PAPPA2: variants seen among roughly 807,000 people sequenced by gnomAD.
PAPPA2 encodes the protein pappalysin 2, also known as pappalysin-2.
A neutral mutation model predicts 176.4 loss-of-function variants in PAPPA2; 86 were observed. That is an observed-to-expected ratio of 0.49 (90% CI 0.41 to 0.58). The LOEUF (loss-of-function observed/expected upper bound fraction) is 0.58, where lower values mean the gene tolerates loss of function less well. Among genes scored for constraint, PAPPA2 ranks in the 20% least tolerant of loss-of-function variants. The pLI, the probability that PAPPA2 is intolerant of heterozygous loss-of-function variation, is 0.00. For missense variants in PAPPA2, 2,073 were observed against 2,256.9 expected (o/e 0.92, Z 1.65); for synonymous variants, 809 against 852.2 (o/e 0.95, Z 0.88).
chr1:176,830,987 C>T (rs958264221), intron 21 of PAPPA2, among the ~76,000 whole-genome samples: 1 of 152,194 alleles, frequency 6.6e-6, no homozygotes. Context: ...GGAATAAAAT[C>T]TTGACAAATG....
chr1:176,525,327 C>A (rs961776143), intron 1 of PAPPA2, among the ~76,000 whole-genome samples: 1 of 152,120 alleles, frequency 6.6e-6, no homozygotes, highest in Non-Finnish European at 1.5e-5. Context: ...GTTTAAAGTG[C>A]CTATACTCAC....
chr1:176,624,287 T>A (rs182575720), intron 3 of PAPPA2, among the ~76,000 whole-genome samples: 13 of 152,290 alleles, frequency 8.5e-5, no homozygotes, highest in Admixed American at 7.8e-4. Context: ...GCTCTGCCTG[T>A]TTCTAGCACC....
chr1:176,472,761 T>G (rs1404949789), intron 1 of PAPPA2, among the ~76,000 whole-genome samples: 1 of 152,186 alleles, frequency 6.6e-6, no homozygotes, highest in Non-Finnish European at 1.5e-5. Flanking sequence ...AACATTAATA[T>G]TAGTAGTACT....
intron 4 of PAPPA2, among the ~76,000 whole-genome samples, chr1:176,678,056 A>T (rs937877281): frequency 2.0e-5 from 3 of 152,180 alleles, no homozygotes; most frequent in Non-Finnish European, 4.4e-5. Context: ...TGGGAATTGA[A>T]GGATAAGCAG....
intron 21 of PAPPA2, among the ~76,000 whole-genome samples, chr1:176,808,111 A>G (rs1003932475): frequency 6.6e-6 from 1 of 152,072 alleles, no homozygotes; most frequent in Non-Finnish European, 1.5e-5. Context: ...GTCTTTAAGT[A>G]GTTCACATTG....
chr1:176,709,850 C>T (rs909485894), intron 10 of PAPPA2, 133 bp from the exon 11 acceptor site: 18 of 698,820 alleles, frequency 2.6e-5, no homozygotes, highest in Non-Finnish European at 4.3e-5. Context: ...TTGAGGTAGG[C>T]ATTAGACTGG....
In PAPPA2 at chr1:176,842,577, GA is replaced by G; in HGVS notation, c.*125del. On this transcript the variant is annotated 3_prime_UTR_variant, in exon 23 of 23. Transcript: ENST00000367662. The stretch of plus-strand genomic sequence containing the variant: ...GAAATGGAAGAAGGAGGAAGAGCAT[GA>G]AGGATCTTATAAGAAATGCAAGAGG... The G allele has an allele frequency of 1.1e-6, 1 of 905,988 alleles. No individual in the cohort carries two copies. Among genetic ancestry groups the G allele is most frequent in the South Asian group, 1.6e-5 (1 of 64,228 alleles). The allele number at this position is 905,988 out of a possible 1,614,324, so 56.1% of individuals were successfully genotyped here.
chr1:176,623,225 A>G (rs893943430), intron 3 of PAPPA2, among the ~76,000 whole-genome samples: 3 of 152,086 alleles, frequency 2.0e-5, no homozygotes, highest in Non-Finnish European at 4.4e-5. Flanking sequence ...AAGAACTTCC[A>G]TTTTCATTCC....
intron 1 of PAPPA2, among the ~76,000 whole-genome samples, chr1:176,476,201 A>T (rs572609180): frequency 6.6e-6 from 1 of 152,174 alleles, no homozygotes; most frequent in East Asian, 1.9e-4. Flanking sequence ...TCCTTCCAAT[A>T]CTCCAATGTC....
chr1:176,545,074 T>C (rs942810770), intron 1 of PAPPA2, among the ~76,000 whole-genome samples: 2 of 152,164 alleles, frequency 1.3e-5, no homozygotes, highest in Non-Finnish European at 2.9e-5. Flanking sequence ...TCATTAGCCG[T>C]TGGTGATTAA....
At chr1:176,581,922 C>CTTTTTTTTTT (rs538920194) in intron 2 of PAPPA2, among the ~76,000 whole-genome samples, 7 of 80,990 alleles carry the variant, frequency 8.6e-5, no homozygotes, top group Non-Finnish European at 1.2e-4. Flanking sequence ...TTCTTTCTTT[C>CTTTTTTTTTT]TTTTTTTTTT....
intron 3 of PAPPA2, among the ~76,000 whole-genome samples, chr1:176,660,024 C>A (rs1573209163): frequency 6.6e-6 from 1 of 152,058 alleles, no homozygotes; most frequent in Admixed American, 6.6e-5. Context: ...GTCATCTAGA[C>A]TAAATATGCA....
intron 21 of PAPPA2, among the ~76,000 whole-genome samples, chr1:176,831,995 C>G (rs973383130): frequency 1.3e-5 from 2 of 152,174 alleles, no homozygotes; most frequent in Non-Finnish European, 2.9e-5. Flanking sequence ...GAAGGAGGCT[C>G]TCAGGGATGG....
At chr1:176,535,704 T>C (rs1336397131) in intron 1 of PAPPA2, among the ~76,000 whole-genome samples, 1 of 152,316 alleles carries the variant, frequency 6.6e-6, no homozygotes, top group African/African-American at 2.4e-5. Context: ...TGATATCACA[T>C]ACTAGCCATG....
intron 1 of PAPPA2, among the ~76,000 whole-genome samples, chr1:176,474,971 T>C (rs1652045335): frequency 6.6e-6 from 1 of 152,218 alleles, no homozygotes. Context: ...ATAAAGCAAC[T>C]AAAATTAAAA....
chr1:176,739,601 T>G, intron 12 of PAPPA2, 25 bp from the exon 13 acceptor site: 1 of 1,603,124 alleles, frequency 6.2e-7, no homozygotes, highest in East Asian at 2.2e-5. Context: ...AATAATGACT[T>G]ATACATAAAT....
intron 1 of PAPPA2, among the ~76,000 whole-genome samples, chr1:176,488,995 A>G (rs765611868): frequency 5.9e-5 from 9 of 152,152 alleles, no homozygotes; most frequent in Non-Finnish European, 7.3e-5. Context: ...TCTCATCTGT[A>G]TAATAAGGTT....
At chr1:176,670,728 G>A (rs971948854) in intron 3 of PAPPA2, among the ~76,000 whole-genome samples, 5 of 152,142 alleles carry the variant, frequency 3.3e-5, no homozygotes, top group Non-Finnish European at 7.4e-5. Context: ...GTCAAATATG[G>A]AGTATCCATA....
intron 2 of PAPPA2, among the ~76,000 whole-genome samples, chr1:176,571,154 C>T (rs1300895896): frequency 6.6e-6 from 1 of 152,172 alleles, no homozygotes; most frequent in African/African-American, 2.4e-5. Flanking sequence ...CTTGATCTCT[C>T]CTGACTCTCC....
Sources: gnomAD v4.1 joint callset for allele counts (sites outside exome capture counted in the v4.1 genomes callset) on GRCh38, gnomAD v4.1.1 for gene constraint, MANE v1.5 for transcripts, NCBI Gene and HGNC (gene_info 2026-07-23, HGNC 2026-07-21) for gene names.